Variants in DOCK1 observed in about 807,000 individuals in gnomAD.
DOCK1 encodes the protein dedicator of cytokinesis protein 1.
DOCK1 carries 138 observed loss-of-function variants against 262.7 expected under a neutral mutation model. The observed-to-expected ratio is 0.53, with a 90% confidence interval of 0.46 to 0.61. DOCK1 has a LOEUF of 0.61. DOCK1 is among the 20% of genes least tolerant of loss of function. The pLI, the probability that DOCK1 is intolerant of heterozygous loss-of-function variation, is 0.00. For missense variants in DOCK1, 1,908 were observed against 2,370.7 expected, an observed-to-expected ratio of 0.80 and a Z score of 4.05; for synonymous variants, 866 against 867.4, an observed-to-expected ratio of 1.00 and a Z score of 0.03.
At chr10:126,936,815 C>G (rs1300616190) in intron 1 of DOCK1, among the ~76,000 whole-genome samples, 5 of 152,104 alleles carry the variant, frequency 3.3e-5, no homozygotes, top group African/African-American at 1.2e-4. Flanking sequence ...AATTTACTGT[C>G]TTAACCATTT....
intron 5 of DOCK1, among the ~76,000 whole-genome samples, 194 bp downstream of exon 5, chr10:126,987,811 G>A (rs1163075659): frequency 4.6e-5 from 7 of 152,082 alleles, no homozygotes; most frequent in Non-Finnish European, 8.8e-5. Flanking sequence ...TGTGCCCTTC[G>A]ACCTGCCATG....
chr10:127,165,585 A>G (rs1160249056), intron 27 of DOCK1, among the ~76,000 whole-genome samples: 2 of 152,052 alleles, frequency 1.3e-5, no homozygotes, highest in Non-Finnish European at 2.9e-5. Flanking sequence ...GTTTATTTTT[A>G]TATTGCATTG....
intron 1 of DOCK1, among the ~76,000 whole-genome samples, chr10:126,921,778 G>A (rs912417963): frequency 4.6e-5 from 7 of 152,022 alleles, no homozygotes; most frequent in African/African-American, 1.2e-4. Flanking sequence ...TCAGCCTCCC[G>A]AGTAGCTGGG....
chr10:126,932,668 C>T (rs1335335059), intron 1 of DOCK1, among the ~76,000 whole-genome samples: 1 of 152,058 alleles, frequency 6.6e-6, no homozygotes, highest in African/African-American at 2.4e-5. Flanking sequence ...CTTAGGAGGC[C>T]CTTTGTGGTA....
chr10:127,301,174 G>C (rs746136662), intron 29 of DOCK1, among the ~76,000 whole-genome samples: 4 of 152,188 alleles, frequency 2.6e-5, no homozygotes, highest in African/African-American at 9.7e-5. Flanking sequence ...GGCAGGCATC[G>C]AGTCTCAGTT....
At position 127,023,236 on chromosome 10, in the gene DOCK1, A is replaced by G. The variant is rs753729676; in HGVS notation, c.1364A>G (p.Gln455Arg). The G allele has an allele frequency of 1.9e-6, 3 of 1,613,998 alleles. No individual in the cohort carries two copies. The highest frequency in any genetic ancestry group is 1.7e-5 in the Admixed American group (1 of 60,022). ...VRNDIYVTLV[Q>R]GDFDKGSKTT... Reference sequence around the variant, plus strand: ...AATGATATCTATGTAACATTAGTTCAAGGAGATTTTGATAAAGGAAGCAAA... The same window carrying G: ...AATGATATCTATGTAACATTAGTTCGAGGAGATTTTGATAAAGGAAGCAAA... Residue 455 changes from glutamine (Q) to arginine (R), a missense_variant, in exon 14 of 52, where the codon CAA becomes CGA. Physicochemically the swap from Gln to Arg is conservative, Grantham distance 43. Transcript: ENST00000623213.
At chr10:127,144,455 T>C in intron 27 of DOCK1, among the ~76,000 whole-genome samples, 1 of 152,194 alleles carries the variant, frequency 6.6e-6, no homozygotes, top group East Asian at 1.9e-4. Context: ...AATTCATCTT[T>C]TGTCTGCAGT....
intron 31 of DOCK1, among the ~76,000 whole-genome samples, chr10:127,354,136 G>C (rs575245222): frequency 6.6e-6 from 1 of 152,162 alleles, no homozygotes; most frequent in East Asian, 1.9e-4. Context: ...AGGAAAATTA[G>C]CATTTATTTT....
chr10:127,339,625 T>TTG (rs754796831), intron 30 of DOCK1, among the ~76,000 whole-genome samples: 7,732 of 139,444 alleles, frequency 0.055, 336 homozygotes, highest in African/African-American at 0.12. Context: ...GTGTGTGTGT[T>TTG]TGTGTGTGTG....
intron 29 of DOCK1, among the ~76,000 whole-genome samples, chr10:127,276,518 C>T (rs996524370): frequency 2.6e-5 from 4 of 152,150 alleles, no homozygotes; most frequent in African/African-American, 7.2e-5. Context: ...TCTCGCCACC[C>T]GTGCTTTTTG....
At chr10:127,285,901 T>G (rs1221783604) in intron 29 of DOCK1, among the ~76,000 whole-genome samples, 2 of 152,220 alleles carry the variant, frequency 1.3e-5, no homozygotes, top group Non-Finnish European at 2.9e-5. Context: ...AGGTCAGTCT[T>G]TCAGTGAACT....
chr10:127,057,155 C>T (rs562159533), intron 22 of DOCK1, among the ~76,000 whole-genome samples: 3 of 152,182 alleles, frequency 2.0e-5, no homozygotes, highest in Non-Finnish European at 2.9e-5. Flanking sequence ...AAATGAGTCT[C>T]CTGTGTGGTG....
intron 23 of DOCK1, among the ~76,000 whole-genome samples, chr10:127,070,474 G>A (rs910355928): frequency 6.6e-6 from 1 of 151,778 alleles, no homozygotes. Flanking sequence ...GGCCGGTCTC[G>A]AACTCCTGAC....
chr10:126,919,599 G>A (rs116848078), intron 1 of DOCK1, among the ~76,000 whole-genome samples: 185 of 152,278 alleles, frequency 1.2e-3, no homozygotes, highest in Admixed American at 2.2e-3. Flanking sequence ...CCCCGATGAC[G>A]GTCTGTGCTA....
intron 29 of DOCK1, among the ~76,000 whole-genome samples, chr10:127,319,150 A>G (rs1241040664): frequency 6.6e-6 from 1 of 152,252 alleles, no homozygotes; most frequent in African/African-American, 2.4e-5. Flanking sequence ...AGAGATCACC[A>G]AAGGCGCGTG....
intron 49 of DOCK1, among the ~76,000 whole-genome samples, chr10:127,442,148 G>C (rs560222040): frequency 6.6e-6 from 1 of 152,256 alleles, no homozygotes; most frequent in African/African-American, 2.4e-5. Flanking sequence ...AAATAGACCT[G>C]TTGGCCTGGC....
intron 32 of DOCK1, among the ~76,000 whole-genome samples, chr10:127,361,398 G>A (rs371473835): frequency 6.6e-6 from 1 of 152,172 alleles, no homozygotes; most frequent in Non-Finnish European, 1.5e-5. Context: ...ACAGGCGTGA[G>A]CCACCACACC....
intron 51 of DOCK1, among the ~76,000 whole-genome samples, chr10:127,450,154 A>G (rs2070862637): frequency 6.6e-6 from 1 of 152,172 alleles, no homozygotes; most frequent in Non-Finnish European, 1.5e-5. Context: ...CACTCATAGG[A>G]CATCTTTATA....
chr10:127,353,684 C>G (rs941344202), intron 31 of DOCK1, among the ~76,000 whole-genome samples: 2 of 152,226 alleles, frequency 1.3e-5, no homozygotes, highest in African/African-American at 4.8e-5. Context: ...CGCATGGCCT[C>G]CCACGCACCA....
Sources: gnomAD v4.1 joint callset for allele counts (sites outside exome capture counted in the v4.1 genomes callset) on GRCh38, gnomAD v4.1.1 for gene constraint, MANE v1.5 for transcripts, NCBI Gene and HGNC (gene_info 2026-07-23, HGNC 2026-07-21) for gene names.